FAM135B: variants seen among roughly 807,000 people sequenced by gnomAD.
The protein encoded by FAM135B is family with sequence similarity 135 member B.
A neutral mutation model predicts 127.7 loss-of-function variants in FAM135B; 43 were observed. That is an observed-to-expected ratio of 0.34 (90% CI 0.26 to 0.43). The LOEUF (loss-of-function observed/expected upper bound fraction) is 0.43. Among genes scored for constraint, FAM135B ranks in the 20% least tolerant of loss-of-function variants. FAM135B has a pLI of 1.00. For missense variants in FAM135B, 1,558 were observed against 1,725.6 expected (o/e 0.90, Z 1.72); for synonymous variants, 670 against 665.1 (o/e 1.01, Z -0.11).
At position 138,132,911 on chromosome 8, in the gene FAM135B, CAGT is replaced by C; in HGVS notation, c.4016-116_4016-114del. ...GTTCCTGGGCAGACCTGTTATACAG[CAGT>C]TTCCAACCTCTTCCTAATGTTAGTG... On this transcript the variant is annotated intron_variant, in intron 19 of 19. Coordinates refer to ENST00000395297, the MANE Select transcript of FAM135B (RefSeq NM_015912.4). This position sits in a 1 kb window ranked among gnomAD's most constrained non-coding sequence, Gnocchi z 4.5. 1.2e-6 allele frequency: 1 copy of C among 842,284 alleles called. No individual in the cohort carries two copies. The highest frequency in any genetic ancestry group is 2.4e-5 in the East Asian group (1 of 41,026). The allele number at this position is 842,284 out of a possible 1,614,324, so 52.2% of individuals were successfully genotyped here. A position where few individuals can be genotyped will look rare whatever the true frequency, so the allele number is the denominator to read the frequency against.
intron 12 of FAM135B, among the ~76,000 whole-genome samples, chr8:138,160,629 C>T (rs1320568636): frequency 1.3e-5 from 2 of 151,130 alleles, no homozygotes; most frequent in Non-Finnish European, 2.9e-5. Flanking sequence ...AACTCCTGAG[C>T]TCAGGCAATC....
intron 15 of FAM135B, 38 bp from the exon 16 acceptor site, chr8:138,143,147 G>T: frequency 2.5e-6 from 3 of 1,211,896 alleles, no homozygotes; most frequent in Non-Finnish European, 2.4e-6. Flanking sequence ...GGGTATGGTT[G>T]TGGCGGGGGC....
chr8:138,158,499 C>G (rs1005445268), intron 12 of FAM135B, among the ~76,000 whole-genome samples: 3 of 152,152 alleles, frequency 2.0e-5, no homozygotes, highest in East Asian at 1.9e-4. Flanking sequence ...TCAGAGTGAA[C>G]AGGCAACCTA....
chr8:138,457,948 G>C (rs946656871), intron 1 of FAM135B, among the ~76,000 whole-genome samples: 2 of 147,338 alleles, frequency 1.4e-5, no homozygotes, highest in Non-Finnish European at 3.0e-5. Context: ...CTGCACTCCA[G>C]CCTGGGCAAG....
chr8:138,188,171 A>T (rs1563746732), intron 9 of FAM135B, among the ~76,000 whole-genome samples: 1 of 152,208 alleles, frequency 6.6e-6, no homozygotes, highest in Non-Finnish European at 1.5e-5. Flanking sequence ...GCTGTGCATC[A>T]GCACTCTTTG....
intron 1 of FAM135B, among the ~76,000 whole-genome samples, chr8:138,482,439 G>A (rs1814819205): frequency 6.6e-6 from 1 of 152,104 alleles, no homozygotes; most frequent in Non-Finnish European, 1.5e-5. Flanking sequence ...CCCATACCAT[G>A]CTTAGAAGAG....
chr8:138,201,930 A>T (rs1817156396), intron 7 of FAM135B, among the ~76,000 whole-genome samples: 2 of 152,072 alleles, frequency 1.3e-5, no homozygotes, highest in Non-Finnish European at 2.9e-5. Flanking sequence ...GTTCGAGACC[A>T]GCCTTACCAA....
At chr8:138,420,104 T>A (rs1191829215) in intron 1 of FAM135B, among the ~76,000 whole-genome samples, 1 of 151,450 alleles carries the variant, frequency 6.6e-6, no homozygotes, top group Non-Finnish European at 1.5e-5. Context: ...ACTGGACTAA[T>A]AAAGAAAAAA....
At chr8:138,267,390 CTGAGAT>C (rs1272430600) in intron 3 of FAM135B, among the ~76,000 whole-genome samples, 1 of 152,130 alleles carries the variant, frequency 6.6e-6, no homozygotes, top group Non-Finnish European at 1.5e-5. Flanking sequence ...TGTTAGCAGA[CTGAGAT>C]GGAGCATTGC....
intron 1 of FAM135B, among the ~76,000 whole-genome samples, chr8:138,484,283 A>C (rs1238452910): frequency 6.6e-6 from 1 of 152,174 alleles, no homozygotes; most frequent in Admixed American, 6.5e-5. Flanking sequence ...GGGTGGCTAA[A>C]GGCAAGCAAT....
intron 1 of FAM135B, among the ~76,000 whole-genome samples, chr8:138,376,193 T>A (rs951735387): frequency 6.6e-6 from 1 of 152,130 alleles, no homozygotes; most frequent in Non-Finnish European, 1.5e-5. Flanking sequence ...TCCGCCCACC[T>A]CAGCCTCCCA....
At chr8:138,404,085 T>C (rs1009349600) in intron 1 of FAM135B, among the ~76,000 whole-genome samples, 1 of 152,148 alleles carries the variant, frequency 6.6e-6, no homozygotes, top group Non-Finnish European at 1.5e-5. Context: ...TAGGTATACC[T>C]TGGTGATGTT....
chr8:138,442,236 CCATATATATATATA>C (rs1256293890), intron 1 of FAM135B, among the ~76,000 whole-genome samples: 2 of 13,132 alleles, frequency 1.5e-4, no homozygotes, highest in Non-Finnish European at 2.5e-4. Context: ...AATATGGACA[CCATATATATATATA>C]TATATATATA....
At chr8:138,483,043 A>C (rs1814848337) in intron 1 of FAM135B, among the ~76,000 whole-genome samples, 1 of 152,148 alleles carries the variant, frequency 6.6e-6, no homozygotes, top group Non-Finnish European at 1.5e-5. Flanking sequence ...TTGCTTTAAT[A>C]AATGGAAGAG....
intron 1 of FAM135B, among the ~76,000 whole-genome samples, chr8:138,406,581 C>T: frequency 6.6e-6 from 1 of 152,058 alleles, no homozygotes. Context: ...GGGCTTCATC[C>T]CTGGGATGCA....
At chr8:138,192,255 T>C (rs553696942) in intron 9 of FAM135B, among the ~76,000 whole-genome samples, 4 of 152,364 alleles carry the variant, frequency 2.6e-5, no homozygotes, top group African/African-American at 9.6e-5. Flanking sequence ...CACTTCCTTC[T>C]TGATTCTAAC....
chr8:138,295,081 TC>T (rs1825377617), intron 3 of FAM135B, among the ~76,000 whole-genome samples: 1 of 148,988 alleles, frequency 6.7e-6, no homozygotes, highest in South Asian at 2.2e-4. Context: ...GATTCAAATG[TC>T]AATACCACCC....
intron 1 of FAM135B, among the ~76,000 whole-genome samples, chr8:138,482,542 C>T (rs976100767): frequency 6.6e-6 from 1 of 151,962 alleles, no homozygotes; most frequent in African/African-American, 2.4e-5. Flanking sequence ...GCAGCTGGCC[C>T]TGCAAGTTTT....
At chr8:138,236,457 C>T (rs1246156667) in intron 7 of FAM135B, among the ~76,000 whole-genome samples, 2 of 152,070 alleles carry the variant, frequency 1.3e-5, no homozygotes, top group African/African-American at 4.8e-5. Flanking sequence ...AATATTATCA[C>T]ATCCTTCCAA....
Sources: gnomAD v4.1 joint callset for allele counts (sites outside exome capture counted in the v4.1 genomes callset) on GRCh38, gnomAD v4.1.1 for gene constraint, Gnocchi (gnomAD v3.1) non-coding constraint, MANE v1.5 for transcripts, NCBI Gene and HGNC (gene_info 2026-07-23, HGNC 2026-07-21) for gene names.